HADH: variants seen among roughly 807,000 people sequenced by gnomAD.
HADH encodes hydroxyacyl-coenzyme A dehydrogenase, mitochondrial.
HADH carries 24 observed loss-of-function variants against 32.2 expected under a neutral mutation model. The ratio of observed to expected loss-of-function variants is 0.75; its 90% confidence interval spans 0.54 to 1.05. The LOEUF is 1.05. Ranked by LOEUF, HADH falls within the 50% of genes least tolerant of loss-of-function variation. HADH has a pLI of 0.00. For synonymous variants in HADH, 139 were observed against 152.5 expected (o/e 0.91, Z 0.65); for missense variants, 350 against 397.1 (o/e 0.88, Z 1.01).
chr4:108,018,879 T>C (rs1182585537), intron 3 of HADH, among the ~76,000 whole-genome samples: 1 of 151,930 alleles, frequency 6.6e-6, no homozygotes, highest in Admixed American at 6.6e-5. Context: ...TTGGTTTAAG[T>C]CAGTATGGAT....
chr4:108,011,303 A>G (rs1187681640), intron 2 of HADH, among the ~76,000 whole-genome samples: 1 of 152,130 alleles, frequency 6.6e-6, no homozygotes, highest in Non-Finnish European at 1.5e-5. Flanking sequence ...GGTAATTTAT[A>G]AAGGAAAGAG....
chr4:108,001,754 A>G (rs556451918), intron 1 of HADH, among the ~76,000 whole-genome samples: 1 of 152,370 alleles, frequency 6.6e-6, no homozygotes, highest in African/African-American at 2.4e-5. Context: ...CCCAGACAGG[A>G]CAATTCAAGA....
rs1736384678 is a variant in HADH at position 108,034,344 on chromosome 4, A to G, written c.932A>G (p.Tyr311Cys). The G allele has an allele frequency of 6.3e-7, 1 of 1,596,924 alleles. No individual in the cohort carries two copies. The highest frequency in any genetic ancestry group is 8.6e-7 in the Non-Finnish European group (1 of 1,164,372). Residue 311 changes from tyrosine to cysteine, a missense_variant, in exon 8 of 8, where the codon TAC becomes TGC. By Grantham distance (194) the Tyr-to-Cys change is radical (BLOSUM62 -2). Coordinates refer to ENST00000309522, the MANE Select transcript of HADH (RefSeq NM_005327.7). ...KFGKKTGEGFYKYK is the reference protein window; with the variant it reads ...KFGKKTGEGFCKYK ...GGCAAGAAGACTGGAGAAGGATTTT[A>G]CAAATACAAGTGATGTGCAGCTTCT...
At chr4:107,992,336 TCA>T (rs1182757201) in intron 1 of HADH, among the ~76,000 whole-genome samples, 3 of 152,204 alleles carry the variant, frequency 2.0e-5, no homozygotes, top group Non-Finnish European at 4.4e-5. Context: ...TGGAAAAACC[TCA>T]GTTACTTTAG....
At chr4:108,019,711 C>G (rs1215807930) in intron 4 of HADH, 45 bp downstream of exon 4, 3 of 1,611,522 alleles carry the variant, frequency 1.9e-6, no homozygotes, top group Admixed American at 3.3e-5. Flanking sequence ...TCTGCCAGCT[C>G]TCTCAGTCCT....
intron 1 of HADH, among the ~76,000 whole-genome samples, chr4:107,995,100 C>A (rs17038307): frequency 0.13 from 19,823 of 151,920 alleles, 2,114 homozygotes; most frequent in African/African-American, 0.29. Context: ...CTCTAGTTCT[C>A]CTGGGACCAC....
intron 1 of HADH, among the ~76,000 whole-genome samples, chr4:107,997,468 T>C (rs548668385): frequency 6.6e-6 from 1 of 152,212 alleles, no homozygotes; most frequent in South Asian, 2.1e-4. Flanking sequence ...ATAAATCCAG[T>C]GTGCTTCTGC....
intron 6 of HADH, chr4:108,029,207 G>A (rs1736172138): frequency 3.5e-6 from 1 of 281,750 alleles, no homozygotes; most frequent in Admixed American, 5.2e-5. Context: ...CCAACACAGA[G>A]GAGTGCTCAG....
chr4:108,004,641 A>G (rs762388630), intron 1 of HADH: 53 of 1,511,200 alleles, frequency 3.5e-5, no homozygotes, highest in Non-Finnish European at 4.2e-5. Context: ...AGCCATAACC[A>G]TGAACTTCCA....
intron 1 of HADH, among the ~76,000 whole-genome samples, chr4:107,999,687 T>C (rs1373307607): frequency 6.6e-6 from 1 of 152,182 alleles, no homozygotes; most frequent in African/African-American, 2.4e-5. Context: ...GTATGAAATA[T>C]CTCCCTTGTG....
chr4:107,990,128 G>T, intron 1 of HADH, 64 bp downstream of exon 1: 3 of 1,528,846 alleles, frequency 2.0e-6, no homozygotes, highest in South Asian at 1.2e-5. Flanking sequence ...GGAAGCTCTG[G>T]CGCGACCGGC....
At chr4:108,000,344 TTTTCTA>T (rs1578245061) in intron 1 of HADH, among the ~76,000 whole-genome samples, 1 of 152,272 alleles carries the variant, frequency 6.6e-6, no homozygotes. Flanking sequence ...TATGGTTAGC[TTTTCTA>T]TTTCAAGTGT....
At position 107,990,069 on chromosome 4, in the gene HADH, G is replaced by C. The variant is rs1211639076; in HGVS notation, c.132+5G>C. On this transcript the variant is annotated splice_donor_5th_base_variant and intron_variant, in intron 1 of 7. Transcript: ENST00000309522. Reference sequence around the variant, plus strand: ...ATGGGCGCCGGCATTGCCCAGGTGAGCGGCCCTCCCTGCAGCGTGCCCACG... The same window carrying C: ...ATGGGCGCCGGCATTGCCCAGGTGACCGGCCCTCCCTGCAGCGTGCCCACG... 6.2e-7 allele frequency: 1 copy of C among 1,607,122 alleles called. No individual in the cohort carries two copies. Among genetic ancestry groups the C allele is most frequent in the Admixed American group, 1.7e-5 (1 of 59,574 alleles).
At chr4:108,000,687 G>A (rs1355210915) in intron 1 of HADH, among the ~76,000 whole-genome samples, 1 of 152,184 alleles carries the variant, frequency 6.6e-6, no homozygotes, top group East Asian at 1.9e-4. Flanking sequence ...AGGAGAGATG[G>A]TGTCCATGTT....
Position 108,023,464 on chromosome 4 carries a change from G to T in HADH, c.547-10G>T. ...CACTCTGGTCATAATTCTCTGCTTTGCATTTCCAGGTCATTAAAACACCAA... is the reference window on the plus strand; with the variant it reads ...CACTCTGGTCATAATTCTCTGCTTTTCATTTCCAGGTCATTAAAACACCAA... On this transcript the variant is annotated splice_polypyrimidine_tract_variant and intron_variant, in intron 4 of 7. Coordinates refer to ENST00000309522, the MANE Select transcript of HADH (RefSeq NM_005327.7). The T allele has an allele frequency of 1.3e-6, 2 of 1,559,038 alleles. No individual in the cohort carries two copies. Among genetic ancestry groups the T allele is most frequent in the Non-Finnish European group, 1.8e-6 (2 of 1,129,546 alleles).
Position 107,993,490 on chromosome 4 carries a change from C to T in HADH, c.132+3426C>T, listed in dbSNP as rs1734872287. 3.9e-5 allele frequency among the ~76,000 whole-genome samples: 6 copies of T among 152,132 alleles called. No homozygotes were observed. In the South Asian group the frequency reaches 1.0e-3, roughly 26 times the overall value. On this transcript the variant is annotated intron_variant, in intron 1 of 7. Transcript: ENST00000309522. Reference sequence around the variant, plus strand: ...TTTCTGACGTGGTTTTAATGTTAGTCAAGGTGCAGTTCTGCTTATAATTTT... The same window carrying T: ...TTTCTGACGTGGTTTTAATGTTAGTTAAGGTGCAGTTCTGCTTATAATTTT...
intron 1 of HADH, among the ~76,000 whole-genome samples, chr4:108,006,263 C>A (rs1046357683): frequency 5.9e-5 from 9 of 152,076 alleles, no homozygotes; most frequent in Non-Finnish European, 1.2e-4. Flanking sequence ...GACTTTGGAA[C>A]TCAATTGGTT....
intron 1 of HADH, among the ~76,000 whole-genome samples, chr4:108,000,958 A>G (rs776378902): frequency 1.3e-5 from 2 of 152,234 alleles, no homozygotes; most frequent in Non-Finnish European, 2.9e-5. Flanking sequence ...TTCTGCCATT[A>G]AGGGATTTTA....
At chr4:107,994,390 C>T (rs138722538) in intron 1 of HADH, among the ~76,000 whole-genome samples, 216 of 152,332 alleles carry the variant, frequency 1.4e-3, no homozygotes, top group African/African-American at 4.8e-3. Flanking sequence ...TCAGGTAGAC[C>T]TGAAAGCTTC....
Sources: gnomAD v4.1 joint callset for allele counts (sites outside exome capture counted in the v4.1 genomes callset) on GRCh38, gnomAD v4.1.1 for gene constraint, MANE v1.5 for transcripts, NCBI Gene and HGNC (gene_info 2026-07-23, HGNC 2026-07-21) for gene names.